FAAH2: variants seen among roughly 807,000 people sequenced by gnomAD.
FAAH2 encodes fatty acid amide hydrolase 2, also known as fatty-acid amide hydrolase 2.
FAAH2 carries 60 observed loss-of-function variants against 36.9 expected under a neutral mutation model. The ratio of observed to expected loss-of-function variants is 1.63; its 90% CI spans 1.32 to 2.02. FAAH2 has a LOEUF of 2.02. FAAH2 is among the 30% of genes most tolerant of loss of function. FAAH2 has a pLI of 0.00. For missense variants in FAAH2, 689 were observed against 397.5 expected (o/e 1.73, Z -6.23); for synonymous variants, 214 against 143.8 (o/e 1.49, Z -3.49).
chrX:57,291,056 T>C (rs1473960600), intron 1 of FAAH2, among the ~76,000 whole-genome samples: 2 of 112,442 alleles, frequency 1.8e-5, no homozygotes, highest in African/African-American at 6.4e-5. Context: ...ACATGATTAT[T>C]TTTTGTTAAT....
At position 57,341,329 on chromosome X, in the gene FAAH2, T is replaced by C. The variant is rs945997269; in HGVS notation, c.681T>C (p.Ile227=). The change falls in exon 5 of 11, where the codon ATT becomes ATC. Residue 227 remains isoleucine (I), a synonymous_variant. Coordinates refer to ENST00000374900, the MANE Select transcript of FAAH2 (RefSeq NM_174912.4). Reference sequence around the variant, plus strand: ...CAGTTATTGGTGTGGGCTCTGATATTGGTGGTAGCATTCGAATGCCTGCTT... The same window carrying C: ...CAGTTATTGGTGTGGGCTCTGATATCGGTGGTAGCATTCGAATGCCTGCTT... The part of the protein sequence containing the change: ...ACSVIGVGSD[I]GGSIRMPAFF... 3.3e-6 allele frequency: 4 copies of C among 1,210,555 alleles called. No individual in the cohort carries two copies. The Middle Eastern group carries it at 6.9e-4, about 209-fold the overall frequency.
chrX:57,395,163 C>T lies in FAAH2; in HGVS notation c.996+14134C>T. The T allele has an allele frequency of 9.4e-6, 5 of 534,480 alleles. No homozygotes were observed. The South Asian group carries it at 1.1e-4, about 12-fold the overall frequency. The allele number at this position is 534,480 out of a possible 1,213,427, so 44.0% of individuals were successfully genotyped here. A position where few individuals can be genotyped will look rare whatever the true frequency, so the allele number is the denominator to read the frequency against. On this transcript the variant is annotated intron_variant, in intron 7 of 10. Transcript: ENST00000374900. ...AGTCTTCATTCAAAGATATGATGTA[C>T]TTGATCACCTCAGATTCTGTGGTTG...
chrX:57,161,592 T>C, the FAAH2 span, among the ~76,000 whole-genome samples: 1 of 111,987 alleles, frequency 8.9e-6, no homozygotes, highest in African/African-American at 3.3e-5. Flanking sequence ...TCTTGTTGAA[T>C]TGATCCCTTT....
chrX:57,236,235 A>T, the FAAH2 span, among the ~76,000 whole-genome samples: 6 of 112,233 alleles, frequency 5.3e-5, no homozygotes, highest in Admixed American at 3.8e-4. Flanking sequence ...TTCTTTGTTA[A>T]TTCATCTGCT....
chrX:57,393,319 AC>A, intron 7 of FAAH2: 1 of 877,985 alleles, frequency 1.1e-6, no homozygotes, highest in Non-Finnish European at 1.7e-6. Context: ...CCATAGGGCC[AC>A]CCCTGTGCAT....
At chrX:57,368,066 C>T (rs903169748) in intron 5 of FAAH2, among the ~76,000 whole-genome samples, 1 of 111,125 alleles carries the variant, frequency 9.0e-6, no homozygotes, top group African/African-American at 3.3e-5. Flanking sequence ...CATTACTCAG[C>T]CAAACTATTA....
intron 7 of FAAH2, chrX:57,393,570 T>A: frequency 1.1e-6 from 1 of 939,099 alleles, no homozygotes; most frequent in Non-Finnish European, 1.5e-6. Context: ...CCCTCCAATC[T>A]CTGCATGAGA....
intron 7 of FAAH2, chrX:57,394,651 C>A (rs1258951459): frequency 1.1e-6 from 1 of 945,336 alleles, no homozygotes; most frequent in African/African-American, 1.9e-5. Context: ...TCGTCGTATG[C>A]CACATCACCC....
intron 7 of FAAH2, among the ~76,000 whole-genome samples, chrX:57,391,555 T>A (rs941146844): frequency 2.6e-4 from 29 of 111,144 alleles, no homozygotes; most frequent in African/African-American, 9.1e-4. Context: ...CAGAACTCTT[T>A]ATTGCTATTC....
chrX:57,412,122 C>T (rs1187843429), intron 7 of FAAH2, among the ~76,000 whole-genome samples: 2 of 111,592 alleles, frequency 1.8e-5, no homozygotes, highest in Non-Finnish European at 3.8e-5. Flanking sequence ...TATTCCAAAT[C>T]GACTCTTCTA....
At chrX:57,394,334 T>A (rs1281032527) in intron 7 of FAAH2, 1 of 1,139,107 alleles carries the variant, frequency 8.8e-7, no homozygotes, top group East Asian at 3.0e-5. Context: ...CACCACCTGA[T>A]ATTTCCCAAC....
At chrX:57,199,741 G>A in the FAAH2 span, among the ~76,000 whole-genome samples, 5 of 111,264 alleles carry the variant, frequency 4.5e-5, no homozygotes, top group Admixed American at 4.8e-4. Flanking sequence ...AATAATATTA[G>A]TTTTTTATAT....
the FAAH2 span, among the ~76,000 whole-genome samples, chrX:57,241,044 A>G: frequency 9.0e-6 from 1 of 111,243 alleles, no homozygotes; most frequent in African/African-American, 3.3e-5. Context: ...TGGCACCAAA[A>G]CCTCTGAGTC....
intron 8 of FAAH2, among the ~76,000 whole-genome samples, chrX:57,435,917 A>T (rs1255277574): frequency 9.0e-6 from 1 of 111,490 alleles, no homozygotes; most frequent in Admixed American, 9.6e-5. Flanking sequence ...CACATGGAAC[A>T]TTCTCCAAGA....
the FAAH2 span, among the ~76,000 whole-genome samples, chrX:57,245,431 T>A: frequency 8.9e-6 from 1 of 111,980 alleles, no homozygotes; most frequent in African/African-American, 3.2e-5. Context: ...TATACATTCT[T>A]CTCAGCACCA....
At chrX:57,427,079 AAAT>A (rs1316302365) in intron 7 of FAAH2, among the ~76,000 whole-genome samples, 1 of 111,365 alleles carries the variant, frequency 9.0e-6, no homozygotes, top group Non-Finnish European at 1.9e-5. Context: ...GATATCACAA[AAAT>A]AAGATAACTA....
chrX:57,408,786 C>A (rs1014525815), intron 7 of FAAH2, among the ~76,000 whole-genome samples: 1 of 111,042 alleles, frequency 9.0e-6, no homozygotes, highest in African/African-American at 3.3e-5. Flanking sequence ...AATGTTGAAT[C>A]TTGTCAAGTG....
intron 3 of FAAH2, among the ~76,000 whole-genome samples, chrX:57,328,195 C>T (rs746993292): frequency 1.3e-4 from 15 of 111,333 alleles, no homozygotes; most frequent in African/African-American, 3.6e-4. Flanking sequence ...ATCGTTCCTC[C>T]GGAAGTTTTG....
chrX:57,239,736 A>G, the FAAH2 span, among the ~76,000 whole-genome samples: 1 of 111,586 alleles, frequency 9.0e-6, no homozygotes, highest in Non-Finnish European at 1.9e-5. Context: ...TTATTTTAAA[A>G]AGAATTAAAA....
Sources: gnomAD v4.1 joint callset for allele counts (sites outside exome capture counted in the v4.1 genomes callset) on GRCh38, gnomAD v4.1.1 for gene constraint, MANE v1.5 for transcripts, NCBI Gene and HGNC (gene_info 2026-07-23, HGNC 2026-07-21) for gene names.